The following PTPRC variants were observed in gnomAD, a reference collection of about 807,000 sequenced individuals.
PTPRC encodes protein tyrosine phosphatase receptor type C.
A neutral mutation model predicts 155.9 loss-of-function variants in PTPRC; 44 were observed. The ratio of observed to expected loss-of-function variants is 0.28; its 90% CI spans 0.22 to 0.36. The LOEUF (loss-of-function observed/expected upper bound fraction) is 0.36. PTPRC is among the 10% of genes least tolerant of loss of function. PTPRC has a pLI of 1.00. For synonymous variants in PTPRC, 525 were observed against 533.1 expected, an observed-to-expected ratio of 0.98 and a Z score of 0.21; for missense variants, 1,401 against 1,564.6, an observed-to-expected ratio of 0.90 and a Z score of 1.76.
intron 2 of PTPRC, among the ~76,000 whole-genome samples, chr1:198,644,101 A>G (rs985328605): frequency 5.3e-5 from 8 of 151,766 alleles, no homozygotes; most frequent in Non-Finnish European, 7.4e-5. Flanking sequence ...AGAGAGAGAA[A>G]TTTTTCATCA....
rs137951371 is a variant in PTPRC at position 198,701,049 on chromosome 1, G to GT, written c.440-1332dup. Among the ~76,000 whole-genome samples the GT allele has an allele frequency of 4.6e-3, 706 of 152,272 alleles. 6 individuals carry two copies. The highest frequency in any genetic ancestry group is 0.016 in the African/African-American group (670 of 41,540). ...GAGGGCCAGTTCTATGTCTGAATGA[G>GT]TTTTTTAAAGGATGAATAAATGAGC... On this transcript the variant is annotated intron_variant, in intron 5 of 32. Coordinates refer to ENST00000442510, the MANE Select transcript of PTPRC (RefSeq NM_002838.5).
intron 29 of PTPRC, among the ~76,000 whole-genome samples, chr1:198,751,786 T>A (rs1655397301): frequency 6.6e-6 from 1 of 152,064 alleles, no homozygotes; most frequent in African/African-American, 2.4e-5. Context: ...CTGCTTATGG[T>A]GTTGGTCAAC....
At chr1:198,661,426 T>G (rs763705812) in intron 2 of PTPRC, among the ~76,000 whole-genome samples, 21 of 151,408 alleles carry the variant, frequency 1.4e-4, no homozygotes, top group Non-Finnish European at 2.7e-4. Context: ...CTTTTTTGCA[T>G]TTTTACAAAT....
At chr1:198,724,903 G>A (rs1229397483) in intron 15 of PTPRC, among the ~76,000 whole-genome samples, 3 of 152,158 alleles carry the variant, frequency 2.0e-5, no homozygotes, top group Non-Finnish European at 4.4e-5. Context: ...CTGGGTTCAA[G>A]TGATTCTCCT....
chr1:198,696,609 A>T, intron 3 of PTPRC, 103 bp from the exon 4 acceptor site: 1 of 933,398 alleles, frequency 1.1e-6, no homozygotes, highest in South Asian at 1.3e-5. Context: ...ATGTACATAC[A>T]CACTATAGTG....
chr1:198,677,685 C>T (rs555648538), intron 2 of PTPRC, among the ~76,000 whole-genome samples: 2 of 152,200 alleles, frequency 1.3e-5, no homozygotes, highest in African/African-American at 2.4e-5. Flanking sequence ...CTAAACAATA[C>T]TGTGTGGATT....
intron 2 of PTPRC, among the ~76,000 whole-genome samples, chr1:198,677,462 C>T (rs569106022): frequency 6.6e-6 from 1 of 151,830 alleles, no homozygotes; most frequent in African/African-American, 2.4e-5. Context: ...GGCCACATTG[C>T]TATTTTTTTT....
intron 25 of PTPRC, among the ~76,000 whole-genome samples, chr1:198,742,930 G>C (rs984132697): frequency 6.6e-6 from 1 of 151,606 alleles, no homozygotes; most frequent in East Asian, 2.0e-4. Flanking sequence ...CTATGCATTT[G>C]GTGATTGTAA....
chr1:198,681,652 G>A (rs1665336162), intron 2 of PTPRC, among the ~76,000 whole-genome samples: 1 of 149,698 alleles, frequency 6.7e-6, no homozygotes, highest in Admixed American at 6.7e-5. Context: ...ATAATGTAAT[G>A]AATTAATAAA....
intron 23 of PTPRC, among the ~76,000 whole-genome samples, chr1:198,739,345 CT>C (rs1654791521): frequency 6.6e-6 from 1 of 151,692 alleles, no homozygotes; most frequent in Non-Finnish European, 1.5e-5. Context: ...CATTCTTCAC[CT>C]GTAAAGACAC....
At chr1:198,743,413 T>TTACAGTGGAAAATAAAG (rs1341694821) in intron 25 of PTPRC, among the ~76,000 whole-genome samples, 2 of 151,780 alleles carry the variant, frequency 1.3e-5, no homozygotes, top group African/African-American at 4.8e-5. Flanking sequence ...AAGAAATTAT[T>TTACAGTGGAAAATAAAG]TACAGTGGAA....
chr1:198,754,681 A>AATT (rs1655547113), intron 32 of PTPRC, among the ~76,000 whole-genome samples: 1 of 152,004 alleles, frequency 6.6e-6, no homozygotes, highest in Non-Finnish European at 1.5e-5. Flanking sequence ...TGAATTTCTT[A>AATT]ATTTTCTTTC....
chr1:198,667,159 TTTTGC>T (rs1664361738), intron 2 of PTPRC: 1 of 152,160 alleles, frequency 6.6e-6, no homozygotes, highest in African/African-American at 2.4e-5. Context: ...CCTAGTGAGG[TTTTGC>T]CTCTTTATTC....
chr1:198,659,186 C>T (rs199621680), intron 2 of PTPRC, among the ~76,000 whole-genome samples: 1 of 152,124 alleles, frequency 6.6e-6, no homozygotes, highest in Non-Finnish European at 1.5e-5. Context: ...CACCTGGTCT[C>T]TAAGAAGGAG....
At chr1:198,681,676 C>A (rs1435079754) in intron 2 of PTPRC, among the ~76,000 whole-genome samples, 1 of 152,006 alleles carries the variant, frequency 6.6e-6, no homozygotes, top group Non-Finnish European at 1.5e-5. Context: ...TAGTTGCTGG[C>A]CAAATCAATG....
rs41313930 is a variant in PTPRC at position 198,703,184 on chromosome 1, A to C, written c.584-114A>C. The C allele has an allele frequency of 0.015, 22,083 of 1,425,114 alleles. 249 individuals carry two copies. Among genetic ancestry groups the C allele is most frequent in the Non-Finnish European group, 0.017 (17,055 of 1,028,492 alleles). 88.3% of individuals were successfully genotyped at this position (1,425,114 alleles called of 1,614,324 possible). On this transcript the variant is annotated intron_variant, in intron 6 of 32. Transcript: ENST00000442510. ...AAACAAGCGAATGTCAAATCAAACG[A>C]GGACTCCTAGAGCAAAGATGCCAAT...
chr1:198,731,343 G>T (rs749378906), intron 17 of PTPRC, among the ~76,000 whole-genome samples: 1 of 152,054 alleles, frequency 6.6e-6, no homozygotes, highest in Non-Finnish European at 1.5e-5. Context: ...TAATGGTGAT[G>T]TTTGGTCTGG....
intron 2 of PTPRC, among the ~76,000 whole-genome samples, chr1:198,682,677 G>C (rs541750941): frequency 5.9e-5 from 9 of 152,148 alleles, no homozygotes; most frequent in Admixed American, 5.2e-4. Flanking sequence ...TTGTTTCAAA[G>C]TACAGACATA....
At position 198,756,655 on chromosome 1, in the gene PTPRC, A is replaced by G. The variant is rs552215628; in HGVS notation, c.*474A>G. 1 of 166,884 alleles carries G rather than the reference A, an allele frequency of 6.0e-6. No individual in the cohort carries two copies. The allele number at this position is 166,884 out of a possible 1,614,324, so 10.3% of individuals were successfully genotyped here. On this transcript the variant is annotated 3_prime_UTR_variant, in exon 33 of 33. Transcript: ENST00000442510. ...CATGTACATTTCTGAAATGACCTCA[A>G]GATGTCCTCCTTGTTCTACTCATAT...
Sources: allele counts gnomAD v4.1 joint callset (sites outside exome capture counted in the v4.1 genomes callset), GRCh38; gene constraint gnomAD v4.1.1; transcripts MANE v1.5; gene names NCBI Gene and HGNC (gene_info 2026-07-23, HGNC 2026-07-21).